The following GLRA1 variants were observed in gnomAD, a reference collection of about 807,000 sequenced individuals.
GLRA1 encodes the protein glycine receptor subunit alpha-1.
A neutral mutation model predicts 48.3 loss-of-function variants in GLRA1; 37 were observed. That is an observed-to-expected ratio of 0.77 (90% CI 0.59 to 1.01). The LOEUF is 1.01. Ranked by LOEUF, GLRA1 falls within the 50% of genes least tolerant of loss-of-function variation. The pLI is 0.00. For missense variants in GLRA1, 427 were observed against 571.0 expected, an observed-to-expected ratio of 0.75 and a Z score of 2.57; for synonymous variants, 196 against 210.7, an observed-to-expected ratio of 0.93 and a Z score of 0.60.
At chr5:151,874,976 C>T (rs1178025683) in intron 3 of GLRA1, among the ~76,000 whole-genome samples, 1 of 151,930 alleles carries the variant, frequency 6.6e-6, no homozygotes, top group Non-Finnish European at 1.5e-5. Flanking sequence ...TTTTGTCAAG[C>T]AGGAGAGAGA....
chr5:151,878,045 A>G (rs977872086), intron 3 of GLRA1, among the ~76,000 whole-genome samples: 2 of 152,340 alleles, frequency 1.3e-5, no homozygotes, highest in Middle Eastern at 6.8e-3. Flanking sequence ...AGGGCTCAGA[A>G]GAGGACAGGA....
chr5:151,829,243 C>T (rs892012673), intron 7 of GLRA1, among the ~76,000 whole-genome samples, 176 bp from the exon 8 acceptor site: 1 of 152,170 alleles, frequency 6.6e-6, no homozygotes, highest in Non-Finnish European at 1.5e-5. Flanking sequence ...ATGCATCAGA[C>T]AGACTGGAAA....
chr5:151,890,381 A>G (rs1435858723), intron 2 of GLRA1, among the ~76,000 whole-genome samples: 2 of 152,200 alleles, frequency 1.3e-5, no homozygotes, highest in Non-Finnish European at 1.5e-5. Flanking sequence ...TCAGAGCAAG[A>G]CCATGGCCCC....
intron 7 of GLRA1, among the ~76,000 whole-genome samples, chr5:151,829,859 C>T (rs2113291905): frequency 6.6e-6 from 1 of 152,300 alleles, no homozygotes; most frequent in Admixed American, 6.5e-5. Context: ...TTTCACTTAG[C>T]ATATTTTCAA....
Position 151,884,596 on chromosome 5 carries a change from A to T in GLRA1, c.252+2125T>A, listed in dbSNP as rs1249948017. ...CTCGTAGACAGAGTGAGCTCAGTGT[A>T]TGTGACTCCAGAGCTGGGCTTTTAA... On this transcript the variant is annotated intron_variant, in intron 3 of 8. Coordinates refer to ENST00000274576, the MANE Select transcript of GLRA1 (RefSeq NM_000171.4). 2.6e-5 allele frequency among the ~76,000 whole-genome samples: 4 copies of T among 152,348 alleles called. No homozygotes were observed. The East Asian group carries it at 7.7e-4, about 29-fold the overall frequency.
intron 2 of GLRA1, among the ~76,000 whole-genome samples, chr5:151,890,036 T>C (rs573364237): frequency 6.6e-6 from 1 of 152,268 alleles, no homozygotes; most frequent in East Asian, 1.9e-4. Flanking sequence ...GGACGGACCT[T>C]GATTCAGTGG....
chr5:151,830,295 G>A (rs1176991887), intron 7 of GLRA1, among the ~76,000 whole-genome samples: 1 of 152,182 alleles, frequency 6.6e-6, no homozygotes, highest in Non-Finnish European at 1.5e-5. Context: ...AGTTTGCCCC[G>A]TGTGAACAAC....
intron 3 of GLRA1, among the ~76,000 whole-genome samples, chr5:151,870,328 C>G (rs1390593126): frequency 6.7e-6 from 1 of 149,666 alleles, no homozygotes. Context: ...AAGAGGAAAG[C>G]TGATAGTGTT....
chr5:151,894,545 C>T (rs959894622), intron 1 of GLRA1, among the ~76,000 whole-genome samples: 16 of 152,152 alleles, frequency 1.1e-4, no homozygotes, highest in African/African-American at 3.6e-4. Flanking sequence ...CTTGCTCCTC[C>T]ACCCCACTAC....
chr5:151,894,241 C>T (rs1215578001), intron 1 of GLRA1, among the ~76,000 whole-genome samples: 2 of 152,074 alleles, frequency 1.3e-5, no homozygotes, highest in Non-Finnish European at 2.9e-5. Context: ...CTGTCTTGTT[C>T]TTCCTCTCAG....
intron 2 of GLRA1, among the ~76,000 whole-genome samples, chr5:151,889,866 T>C (rs1196281330): frequency 1.3e-5 from 2 of 152,078 alleles, no homozygotes; most frequent in African/African-American, 4.8e-5. Context: ...ACTTCTCAGC[T>C]CCTGCGGTGG....
intron 3 of GLRA1, among the ~76,000 whole-genome samples, chr5:151,885,376 CA>C (rs1414597137): frequency 6.6e-6 from 1 of 152,132 alleles, no homozygotes. Context: ...CAGGTTGGTA[CA>C]GTGGTAATTG....
At chr5:151,839,294 T>C (rs763374075) in intron 7 of GLRA1, among the ~76,000 whole-genome samples, 2 of 152,202 alleles carry the variant, frequency 1.3e-5, no homozygotes, top group Admixed American at 1.3e-4. Flanking sequence ...CTCAAATTCA[T>C]ACGAAGAAAT....
chr5:151,845,504 G>A (rs1298370962), intron 7 of GLRA1, among the ~76,000 whole-genome samples: 1 of 152,164 alleles, frequency 6.6e-6, no homozygotes, highest in African/African-American at 2.4e-5. Flanking sequence ...TTAGCAAAAT[G>A]CAAATCAAAA....
At chr5:151,895,146 A>T (rs1754198641) in intron 1 of GLRA1, among the ~76,000 whole-genome samples, 1 of 152,180 alleles carries the variant, frequency 6.6e-6, no homozygotes, top group Admixed American at 6.5e-5. Flanking sequence ...GCAGATGCAT[A>T]GTGAATTGGG....
chr5:151,862,880 A>G (rs978544472), intron 3 of GLRA1, among the ~76,000 whole-genome samples: 4 of 152,216 alleles, frequency 2.6e-5, no homozygotes, highest in Admixed American at 2.0e-4. Context: ...ACTGAAGTCC[A>G]GGGAGAATTG....
intron 1 of GLRA1, among the ~76,000 whole-genome samples, chr5:151,894,974 G>T (rs1389295065): frequency 6.6e-6 from 1 of 152,198 alleles, no homozygotes; most frequent in Non-Finnish European, 1.5e-5. Flanking sequence ...TGGACAGGGT[G>T]AGGAACAAAT....
chr5:151,840,181 T>C (rs1338395836), intron 7 of GLRA1, among the ~76,000 whole-genome samples: 2 of 151,426 alleles, frequency 1.3e-5, no homozygotes, highest in Non-Finnish European at 2.9e-5. Flanking sequence ...GCAGCCTCAA[T>C]CTCCAAGGTT....
chr5:151,893,553 C>T (rs1433388602), intron 1 of GLRA1, among the ~76,000 whole-genome samples: 1 of 152,000 alleles, frequency 6.6e-6, no homozygotes, highest in South Asian at 2.1e-4. Flanking sequence ...TGTTCCCCTC[C>T]CTGTGTCCAC....
Sources: gnomAD v4.1 joint callset for allele counts (sites outside exome capture counted in the v4.1 genomes callset) on GRCh38, gnomAD v4.1.1 for gene constraint, MANE v1.5 for transcripts, NCBI Gene and HGNC (gene_info 2026-07-23, HGNC 2026-07-21) for gene names.